Variants in CANT1 observed in about 807,000 individuals in gnomAD.
CANT1 encodes calcium activated nucleotidase 1, also known as soluble calcium-activated nucleotidase 1.
In CANT1, 26 loss-of-function variants were observed where a neutral mutation model predicts 30.0. That is an observed-to-expected ratio of 0.87 (90% CI 0.64 to 1.20). The LOEUF (loss-of-function observed/expected upper bound fraction) is 1.20, where lower values mean the gene tolerates loss of function less well. Ranked by LOEUF, CANT1 falls within the 50% of genes most tolerant of loss-of-function variation. The pLI, the probability that CANT1 is intolerant of heterozygous loss-of-function variation, is 0.00. For missense variants in CANT1, 518 were observed against 563.0 expected (o/e 0.92, Z 0.81); for synonymous variants, 246 against 251.8 (o/e 0.98, Z 0.22).
rs1286487019 is a variant in CANT1, at chr17:79,008,668, C to A, written c.-147+996G>T. 1.3e-5 allele frequency among the ~76,000 whole-genome samples: 2 copies of A among 152,128 alleles called. No individual in the cohort carries two copies. The highest frequency in any genetic ancestry group is 4.8e-5 in the African/African-American group (2 of 41,428). On this transcript the variant is annotated intron_variant, in intron 1 of 4. Coordinates refer to ENST00000392446, the MANE Select transcript of CANT1 (RefSeq NM_001159773.2). This position sits in a 1 kb window ranked among gnomAD's most constrained non-coding sequence, Gnocchi z 4.4. Reference sequence around the variant, plus strand: ...GCTGATGGAAGAGTGGTCACAGGTGCTCTGTGCCAAGCCTAGGGTACACAG... The same window carrying A: ...GCTGATGGAAGAGTGGTCACAGGTGATCTGTGCCAAGCCTAGGGTACACAG...
chr17:78,999,642 A>ATTTTTTTTTTTTT (rs35755919), intron 1 of CANT1, among the ~76,000 whole-genome samples: 1 of 97,328 alleles, frequency 1.0e-5, no homozygotes, highest in Non-Finnish European at 1.9e-5. Context: ...CGCACAGCGA[A>ATTTTTTTTTTTTT]TTTTTTTTTT....
Position 78,995,119 on chromosome 17 carries a change from G to C in CANT1, c.734C>G (p.Pro245Arg). The change falls in exon 4 of 5, where the codon CCG (proline) becomes CGG (arginine). Residue 245 changes from proline to arginine, a missense_variant. Coordinates refer to ENST00000392446, the MANE Select transcript of CANT1 (RefSeq NM_001159773.2). This position sits in a 1 kb window ranked among gnomAD's most constrained non-coding sequence, Gnocchi z 5.7. ...GTAGCCCACCACCTTCACCCACTCC[G>C]GGTTCTCGTTCACCACATCACCCGT... Reference protein sequence around the residue: ...TTTGDVVNENPEWVKVVGYKG... With the variant: ...TTTGDVVNENREWVKVVGYKG... 6.2e-7 allele frequency: 1 copy of C among 1,613,672 alleles called. No individual in the cohort carries two copies. Among genetic ancestry groups the C allele is most frequent in the Non-Finnish European group, 8.5e-7 (1 of 1,179,884 alleles).
chr17:78,993,850 G>A lies in CANT1; in HGVS notation c.906C>T (p.Ala302=). ...LQRWFFLPRR[A]SQERYSEKDD... is the part of the protein sequence containing the mutation. ...CCTTCTCGCTGTAGCGCTCCTGGCT[G>A]GCGCGGCGCGGCAGGAAGAACCAGC... The change falls in exon 5 of 5, where the codon GCC becomes GCT. Residue 302 remains alanine (A), a synonymous_variant. Coordinates refer to ENST00000392446, the MANE Select transcript of CANT1 (RefSeq NM_001159773.2). This position sits in a 1 kb window ranked among gnomAD's most constrained non-coding sequence, Gnocchi z 4.5. The A allele has an allele frequency of 6.3e-7, 1 of 1,599,290 alleles. No individual in the cohort carries two copies. Among genetic ancestry groups the A allele is most frequent in the Non-Finnish European group, 8.5e-7 (1 of 1,175,484 alleles).
Position 78,997,976 on chromosome 17 carries a change from G to A in CANT1, c.-146-13C>T. On this transcript the variant is annotated splice_polypyrimidine_tract_variant and intron_variant, in intron 1 of 4. Transcript: ENST00000392446. This position sits in a 1 kb window ranked among gnomAD's most constrained non-coding sequence, Gnocchi z 7.5. The stretch of plus-strand genomic sequence containing the variant: ...CTCTGTGGTCCCTCTAAAGAGAGAA[G>A]CGCAGGAGAGTCAGGTGGGAGGGGA... 1 of 285,912 alleles carries A rather than the reference G, an allele frequency of 3.5e-6. No homozygotes were observed. The highest frequency in any genetic ancestry group is 5.2e-5 in the East Asian group (1 of 19,220). The allele number at this position is 285,912 out of a possible 1,614,324, so 17.7% of individuals were successfully genotyped here.
rs752971295 is a variant in CANT1, at chr17:78,993,803, T to C, written c.953A>G (p.Asn318Ser). Reference sequence around the variant, plus strand: ...GTCAGGGGAGGCGCTCAGCAGCAGGTTGGCGCCCTTGCGCTCGTCGTCCTT... The same window carrying C: ...GTCAGGGGAGGCGCTCAGCAGCAGGCTGGCGCCCTTGCGCTCGTCGTCCTT... ...SEKDDERKGANLLLSASPDFG... is the reference protein window; with the variant it reads ...SEKDDERKGASLLLSASPDFG... Residue 318 changes from asparagine (N) to serine (S), a missense_variant, in exon 5 of 5, where the codon AAC (asparagine) becomes AGC (serine). Asn to Ser is a conservative substitution (Grantham distance 46). This residue lies in a region of CANT1 where 221 missense variants were observed against 211.8 expected (regional missense o/e 1.04). Coordinates refer to ENST00000392446, the MANE Select transcript of CANT1 (RefSeq NM_001159773.2). This position sits in a 1 kb window ranked among gnomAD's most constrained non-coding sequence, Gnocchi z 4.5. 1.9e-6 allele frequency: 3 copies of C among 1,610,108 alleles called. No individual in the cohort carries two copies. In the East Asian group the frequency reaches 6.7e-5, roughly 36 times the overall value.
At chr17:79,004,998 A>G (rs549490147) in intron 1 of CANT1, among the ~76,000 whole-genome samples, 2 of 2,074 alleles carry the variant, frequency 9.6e-4, no homozygotes, top group Non-Finnish European at 1.6e-3. Context: ...GGTTAGGGAG[A>G]GGGGAGTTAG....
chr17:78,991,719 A>T lies in CANT1; in HGVS notation c.*1831T>A, dbSNP rs1458379765. 9.8e-6 allele frequency: 2 copies of T among 203,726 alleles called. No homozygotes were observed. Among genetic ancestry groups the T allele is most frequent in the African/African-American group, 4.6e-5 (2 of 43,542 alleles). 12.6% of individuals were successfully genotyped at this position (203,726 alleles called of 1,614,324 possible). ...CACAGACCGGGAGACAGAAAACTAC[A>T]CTCCCTCAGACGCTTTATTGTTTAC... On this transcript the variant is annotated 3_prime_UTR_variant, in exon 5 of 5. Coordinates refer to ENST00000392446, the MANE Select transcript of CANT1 (RefSeq NM_001159773.2).
rs142420976 is a variant in CANT1 at position 79,002,397 on chromosome 17, C to T, written c.-146-4434G>A. Among the ~76,000 whole-genome samples the T allele has an allele frequency of 3.2e-4, 49 of 152,360 alleles. No homozygotes were observed. Among genetic ancestry groups the T allele is most frequent in the African/African-American group, 1.2e-3 (48 of 41,578 alleles). On this transcript the variant is annotated intron_variant, in intron 1 of 4. Coordinates refer to ENST00000392446, the MANE Select transcript of CANT1 (RefSeq NM_001159773.2). This position sits in a 1 kb window ranked among gnomAD's most constrained non-coding sequence, Gnocchi z 4.0. Reference sequence around the variant, plus strand: ...CACTCTACAAGTACCCTCTCGCCTGCTGGGAGGGTTGCAAACTACCACCCG... The same window carrying T: ...CACTCTACAAGTACCCTCTCGCCTGTTGGGAGGGTTGCAAACTACCACCCG...
chr17:78,997,147 G>C lies in CANT1; in HGVS notation c.476C>G (p.Ala159Gly). The part of the protein sequence containing the change: ...KDHGVLESHL[A>G]EKGRGMELSD... ...TAGCTCCATGCCTCTCCCCTTCTCCGCCAGGTGGGACTCCAGGACCCCATG... is the reference window on the plus strand; with the variant it reads ...TAGCTCCATGCCTCTCCCCTTCTCCCCCAGGTGGGACTCCAGGACCCCATG... The change falls in exon 3 of 5, where the codon GCG becomes GGG. Residue 159 changes from alanine (A) to glycine (G), a missense_variant. By Grantham distance (60) the Ala-to-Gly change is moderately conservative. Transcript: ENST00000392446. The surrounding 1 kb of genome is among the most constrained non-coding windows in gnomAD (Gnocchi z 7.5). The C allele has an allele frequency of 6.2e-7, 1 of 1,614,088 alleles. No homozygotes were observed. Among genetic ancestry groups the C allele is most frequent in the Non-Finnish European group, 8.5e-7 (1 of 1,180,030 alleles).
chr17:79,009,024 G>C (rs962664420), intron 1 of CANT1, among the ~76,000 whole-genome samples: 1 of 152,212 alleles, frequency 6.6e-6, no homozygotes, highest in East Asian at 1.9e-4. Flanking sequence ...ACCAGAGGAG[G>C]GGTATTTGAA....
rs771941857 is a variant in CANT1 at position 78,993,930 on chromosome 17, G to C, written c.836-10C>G. 1 of 1,562,528 alleles carries C rather than the reference G, an allele frequency of 6.4e-7. No homozygotes were observed. Among genetic ancestry groups the C allele is most frequent in the East Asian group, 2.4e-5 (1 of 42,534 alleles). ...TCATGGATGAGGTAGCCTGGGAACC[G>C]GGTGACCGCGGGTCAGACACGCATG... On this transcript the variant is annotated splice_polypyrimidine_tract_variant and intron_variant, in intron 4 of 4. Transcript: ENST00000392446. The surrounding 1 kb of genome is among the most constrained non-coding windows in gnomAD (Gnocchi z 4.5).
At position 78,995,174 on chromosome 17, in the gene CANT1, C is replaced by T; in HGVS notation, c.679G>A (p.Gly227Ser). ...GTCGTCCACTCCTTGCCCAGGCCGC[C>T]CACGTACAGACGCTCGTCCTTCACT... ...LAVKDERLYVGGLGKEWTTTT... is the reference protein window; with the variant it reads ...LAVKDERLYVSGLGKEWTTTT... The change falls in exon 4 of 5, where the codon GGC becomes AGC. Residue 227 changes from glycine to serine, a missense_variant. Gly to Ser is a moderately conservative substitution (Grantham distance 56, BLOSUM62 0). Transcript: ENST00000392446. The surrounding 1 kb of genome is among the most constrained non-coding windows in gnomAD (Gnocchi z 5.7). The T allele has an allele frequency of 1.2e-6, 2 of 1,614,030 alleles. No individual in the cohort carries two copies. Among genetic ancestry groups the T allele is most frequent in the Non-Finnish European group, 1.7e-6 (2 of 1,179,956 alleles).
rs1215075098 is a variant in CANT1 at position 79,002,480 on chromosome 17, T to C, written c.-146-4517A>G. ...GATGCGGCCTGTGTGGCCTGGTATG[T>C]GGTTGCAGCTTGGTGTGTAGACTCT... On this transcript the variant is annotated intron_variant, in intron 1 of 4. Transcript: ENST00000392446. The surrounding 1 kb of genome is among the most constrained non-coding windows in gnomAD (Gnocchi z 4.0). Among the ~76,000 whole-genome samples the C allele has an allele frequency of 6.6e-6, 1 of 151,270 alleles. No homozygotes were observed. Among genetic ancestry groups the C allele is most frequent in the Non-Finnish European group, 1.5e-5 (1 of 67,748 alleles).
chr17:78,997,540 A>G lies in CANT1; in HGVS notation c.83T>C (p.Leu28Pro). ...GTCCGCGGCCTTGGTCATGGACGCCAGCACAGGAAGGCCCCCCACACTGAT... is the reference window on the plus strand; with the variant it reads ...GTCCGCGGCCTTGGTCATGGACGCCGGCACAGGAAGGCCCCCCACACTGAT... ...LRISVGGLPV[L>P]ASMTKAADPR... is the part of the protein sequence containing the mutation. Residue 28 changes from leucine (L) to proline (P), a missense_variant, in exon 3 of 5, where the codon CTG becomes CCG. By Grantham distance (98) the Leu-to-Pro change is moderately conservative. Transcript: ENST00000392446. This position sits in a 1 kb window ranked among gnomAD's most constrained non-coding sequence, Gnocchi z 7.5. 6.4e-7 allele frequency: 1 copy of G among 1,565,510 alleles called. No individual in the cohort carries two copies. The highest frequency in any genetic ancestry group is 8.7e-7 in the Non-Finnish European group (1 of 1,154,740).
At chr17:79,007,588 A>T (rs2071596411) in intron 1 of CANT1, among the ~76,000 whole-genome samples, 1 of 152,166 alleles carries the variant, frequency 6.6e-6, no homozygotes, top group Non-Finnish European at 1.5e-5. Flanking sequence ...GAGCCTGCAC[A>T]GGCACACACA....
At chr17:79,000,645 G>A (rs1043202421) in intron 1 of CANT1, among the ~76,000 whole-genome samples, 6 of 152,100 alleles carry the variant, frequency 3.9e-5, no homozygotes, top group African/African-American at 1.4e-4. Context: ...CATCTCCTCT[G>A]CCTGCCGGCT....
intron 1 of CANT1, chr17:79,005,397 C>T (rs572240349): frequency 1.3e-5 from 2 of 152,306 alleles, no homozygotes; most frequent in African/African-American, 2.4e-5. Context: ...CCAGGCCTGC[C>T]GCTGCACTCT....
chr17:78,991,910 T>C lies in CANT1; in HGVS notation c.*1640A>G. On this transcript the variant is annotated 3_prime_UTR_variant, in exon 5 of 5. Coordinates refer to ENST00000392446, the MANE Select transcript of CANT1 (RefSeq NM_001159773.2). ...TGACTCAGGTGCTGACATGAATACA[T>C]CAGCAAGGTCTCAATTCAGCCACAG... 1 of 231,380 alleles carries C rather than the reference T, an allele frequency of 4.3e-6. No individual in the cohort carries two copies. Among genetic ancestry groups the C allele is most frequent in the Non-Finnish European group, 8.6e-6 (1 of 116,910 alleles). The allele number at this position is 231,380 out of a possible 1,614,324, so 14.3% of individuals were successfully genotyped here.
chr17:78,991,981 C>A lies in CANT1; in HGVS notation c.*1569G>T. ...CTGATTGCATCTCTATTTTAAATGA[C>A]CCAGCCTGGACATCAAGGACAATGA... On this transcript the variant is annotated 3_prime_UTR_variant, in exon 5 of 5. Coordinates refer to ENST00000392446, the MANE Select transcript of CANT1 (RefSeq NM_001159773.2). 4.3e-6 allele frequency: 1 copy of A among 231,708 alleles called. No individual in the cohort carries two copies. Among genetic ancestry groups the A allele is most frequent in the African/African-American group, 2.2e-5 (1 of 45,352 alleles). The allele number at this position is 231,708 out of a possible 1,614,324, so 14.4% of individuals were successfully genotyped here.
Sources: gnomAD v4.1 joint callset for allele counts (sites outside exome capture counted in the v4.1 genomes callset) on GRCh38, gnomAD v4.1.1 for gene constraint, gnomAD v4.1.1 regional missense constraint, Gnocchi (gnomAD v3.1) non-coding constraint, MANE v1.5 for transcripts, NCBI Gene and HGNC (gene_info 2026-07-23, HGNC 2026-07-21) for gene names.